SLC27A2: variants seen among roughly 807,000 people sequenced by gnomAD.
The protein encoded by SLC27A2 is solute carrier family 27 member 2.
Under a neutral mutation model 60.0 loss-of-function variants are expected in SLC27A2, and 54 were observed. The ratio of observed to expected loss-of-function variants is 0.90; its 90% CI spans 0.72 to 1.13. SLC27A2 has a LOEUF of 1.13. Among genes scored for constraint, SLC27A2 ranks in the 50% most tolerant of loss-of-function variants. The pLI is 0.00. For synonymous variants in SLC27A2, 297 were observed against 297.6 expected, an observed-to-expected ratio of 1.00 and a Z score of 0.02; for missense variants, 739 against 777.6, an observed-to-expected ratio of 0.95 and a Z score of 0.59.
intron 1 of SLC27A2, among the ~76,000 whole-genome samples, chr15:50,195,416 G>T (rs527612100): frequency 6.6e-6 from 1 of 152,070 alleles, no homozygotes; most frequent in African/African-American, 2.4e-5. Flanking sequence ...CTGTGAACCC[G>T]GGAGGCGGAG....
intron 3 of SLC27A2, among the ~76,000 whole-genome samples, chr15:50,204,506 T>A (rs2414038): frequency 2.0e-5 from 3 of 152,068 alleles, no homozygotes; most frequent in African/African-American, 4.8e-5. Context: ...GGCCAAGGGG[T>A]ACAGATCACG....
intron 4 of SLC27A2, among the ~76,000 whole-genome samples, chr15:50,217,997 C>T (rs150486822): frequency 5.2e-5 from 7 of 135,592 alleles, no homozygotes; most frequent in African/African-American, 1.9e-4. Context: ...GAGGTTGCAT[C>T]GAGCCGAGAT....
chr15:50,219,950 TG>T (rs2045231463), intron 4 of SLC27A2, among the ~76,000 whole-genome samples: 1 of 152,162 alleles, frequency 6.6e-6, no homozygotes, highest in African/African-American at 2.4e-5. Context: ...GTAGCTTTGG[TG>T]ATGGAGAAAC....
Position 50,197,717 on chromosome 15 carries a change from T to C in SLC27A2, c.688+8T>C. The C allele has an allele frequency of 3.8e-6, 6 of 1,599,130 alleles. No homozygotes were observed. The highest frequency in any genetic ancestry group is 5.1e-6 in the Non-Finnish European group (6 of 1,167,230). ...ATACTTCTGGAACCACAGGTAAAAATAAAGGGGGGATTCTCCAAAAAAATT... is the reference window on the plus strand; with the variant it reads ...ATACTTCTGGAACCACAGGTAAAAACAAAGGGGGGATTCTCCAAAAAAATT... On this transcript the variant is annotated splice_region_variant and intron_variant, in intron 2 of 9. Transcript: ENST00000267842.
intron 8 of SLC27A2, among the ~76,000 whole-genome samples, chr15:50,230,474 T>TG (rs952480675): frequency 8.6e-5 from 13 of 150,918 alleles, no homozygotes; most frequent in Admixed American, 2.6e-4. Flanking sequence ...ACCCGGGAGA[T>TG]GGAGGCTGCA....
chr15:50,191,346 C>T (rs1215541682), intron 1 of SLC27A2, among the ~76,000 whole-genome samples: 1 of 152,204 alleles, frequency 6.6e-6, no homozygotes, highest in Middle Eastern at 3.2e-3. Context: ...TGAGACCTCT[C>T]CCAGGACTTC....
chr15:50,189,380 G>A (rs111404476), intron 1 of SLC27A2, among the ~76,000 whole-genome samples: 6 of 152,144 alleles, frequency 3.9e-5, no homozygotes, highest in African/African-American at 1.4e-4. Flanking sequence ...AGGATGGGCT[G>A]GAAAGGACCT....
At chr15:50,202,347 T>G (rs1481696589) in intron 2 of SLC27A2, 140 bp from the exon 3 acceptor site, 1 of 774,640 alleles carries the variant, frequency 1.3e-6, no homozygotes, top group Non-Finnish European at 2.1e-6. Flanking sequence ...ATTTGTCAAC[T>G]CCTGGACTAA....
intron 8 of SLC27A2, 40 bp from the exon 9 acceptor site, chr15:50,233,828 T>C (rs2045331286): frequency 6.4e-7 from 1 of 1,551,584 alleles, no homozygotes; most frequent in East Asian, 2.3e-5. Flanking sequence ...GCATCATAAA[T>C]AGCCTTAACA....
intron 4 of SLC27A2, among the ~76,000 whole-genome samples, chr15:50,220,743 G>T (rs1648344): frequency 0.97 from 148,167 of 152,302 alleles, 72,086 homozygotes; most frequent in East Asian, 1. Flanking sequence ...CTACAATTCA[G>T]TATCCAAACA....
At chr15:50,195,713 A>G (rs924116834) in intron 1 of SLC27A2, among the ~76,000 whole-genome samples, 14 of 151,950 alleles carry the variant, frequency 9.2e-5, no homozygotes, top group African/African-American at 2.7e-4. Flanking sequence ...TGGAGATATC[A>G]TACACAAACA....
chr15:50,232,576 C>G (rs2045323343), intron 8 of SLC27A2, among the ~76,000 whole-genome samples: 1 of 152,086 alleles, frequency 6.6e-6, no homozygotes, highest in Non-Finnish European at 1.5e-5. Flanking sequence ...AAACCACCCT[C>G]CGAGAGTTGG....
chr15:50,232,567 A>T (rs983634248), intron 8 of SLC27A2, among the ~76,000 whole-genome samples: 1 of 152,084 alleles, frequency 6.6e-6, no homozygotes, highest in East Asian at 1.9e-4. Flanking sequence ...ACTAGTCCCA[A>T]ACCACCCTCC....
Position 50,182,442 on chromosome 15 carries a change from C to G in SLC27A2, c.15C>G (p.Ile5Met), listed in dbSNP as rs562304199. The G allele has an allele frequency of 3.7e-6, 6 of 1,602,806 alleles. No individual in the cohort carries two copies. Among genetic ancestry groups the G allele is most frequent in the African/African-American group, 1.3e-5 (1 of 74,660 alleles). ...CCGCAGCCGTCATGCTTTCCGCCAT[C>G]TACACAGTCCTGGCGGGACTGCTGT... is the stretch of plus-strand genomic sequence containing the variant. MLSA[I>M]YTVLAGLLFL... The change falls in exon 1 of 10, where the codon ATC becomes ATG. Residue 5 changes from isoleucine to methionine, a missense_variant. Physicochemically the swap from Ile to Met is conservative, Grantham distance 10. Transcript: ENST00000267842.
chr15:50,183,992 A>ATTTTTTTT (rs1595677867), intron 1 of SLC27A2, among the ~76,000 whole-genome samples: 3 of 23,920 alleles, frequency 1.3e-4, no homozygotes, highest in Admixed American at 1.2e-3. Flanking sequence ...TCTTTCCTAC[A>ATTTTTTTT]TCTTTTTTTT....
At chr15:50,232,319 G>A (rs2045321500) in intron 8 of SLC27A2, among the ~76,000 whole-genome samples, 1 of 152,210 alleles carries the variant, frequency 6.6e-6, no homozygotes, top group Non-Finnish European at 1.5e-5. Context: ...TATCTGCACT[G>A]TCCAGTATGA....
At chr15:50,188,982 A>AATAG (rs199573332) in intron 1 of SLC27A2, among the ~76,000 whole-genome samples, 51,069 of 135,236 alleles carry the variant, frequency 0.38, 9,001 homozygotes, top group East Asian at 0.4. Context: ...TAGATAGATA[A>AATAG]ATAGATAGAT....
intron 7 of SLC27A2, among the ~76,000 whole-genome samples, chr15:50,228,521 T>G (rs1367413360): frequency 6.6e-6 from 1 of 151,714 alleles, no homozygotes; most frequent in Non-Finnish European, 1.5e-5. Context: ...CTTGTTGCCG[T>G]GAGACCCTGA....
chr15:50,216,070 A>G (rs1488952291), intron 4 of SLC27A2, among the ~76,000 whole-genome samples: 1 of 152,260 alleles, frequency 6.6e-6, no homozygotes, highest in Non-Finnish European at 1.5e-5. Context: ...ACACCTGACA[A>G]AGGAATAATA....
Sources: allele counts gnomAD v4.1 joint callset (sites outside exome capture counted in the v4.1 genomes callset), GRCh38; gene constraint gnomAD v4.1.1; transcripts MANE v1.5; gene names NCBI Gene and HGNC (gene_info 2026-07-23, HGNC 2026-07-21).